Variants in PDE4B observed in about 807,000 individuals in gnomAD.
PDE4B encodes the protein phosphodiesterase 4B.
PDE4B carries 20 observed loss-of-function variants against 82.2 expected under a neutral mutation model. The observed-to-expected ratio is 0.24, with a 90% CI of 0.17 to 0.35. The LOEUF (loss-of-function observed/expected upper bound fraction) is 0.35. Ranked by LOEUF, PDE4B falls within the 10% of genes least tolerant of loss-of-function variation. PDE4B has a pLI of 1.00. For missense variants in PDE4B, 655 were observed against 907.2 expected, an observed-to-expected ratio of 0.72 and a Z score of 3.57; for synonymous variants, 320 against 318.9, an observed-to-expected ratio of 1.00 and a Z score of -0.04.
intron 1 of PDE4B, among the ~76,000 whole-genome samples, chr1:65,806,928 A>G (rs2101182673): frequency 6.6e-6 from 1 of 152,338 alleles, no homozygotes; most frequent in East Asian, 1.9e-4. Flanking sequence ...CATCAGGATT[A>G]ATCCTCTAAA....
intron 3 of PDE4B, among the ~76,000 whole-genome samples, chr1:66,007,761 T>C (rs1018713391): frequency 5.3e-5 from 8 of 152,136 alleles, no homozygotes; most frequent in African/African-American, 1.7e-4. Context: ...TTTTTTCACA[T>C]AAAAATTAGG....
chr1:66,257,930 T>TA, intron 6 of PDE4B, 67 bp downstream of exon 6: 1 of 1,050,034 alleles, frequency 9.5e-7, no homozygotes, highest in Non-Finnish European at 1.5e-6. Flanking sequence ...GAGCAGCATT[T>TA]AAAAAAATAC....
intron 8 of PDE4B, among the ~76,000 whole-genome samples, chr1:66,339,018 C>CA (rs60064823): frequency 0.09 from 7,145 of 79,160 alleles, 567 homozygotes; most frequent in African/African-American, 0.19. Context: ...GACTCCGTCT[C>CA]AAAAAAAAAA....
intron 13 of PDE4B, chr1:66,367,445 A>C: frequency 3.0e-6 from 1 of 331,600 alleles, no homozygotes; most frequent in Non-Finnish European, 5.5e-6. Context: ...ATATAGAAGG[A>C]GTAAAAGGAT....
At chr1:66,347,797 A>T (rs987180347) in intron 8 of PDE4B, among the ~76,000 whole-genome samples, 1 of 152,236 alleles carries the variant, frequency 6.6e-6, no homozygotes, top group African/African-American at 2.4e-5. Flanking sequence ...AAGCTATGAT[A>T]GATTTTTGTA....
chr1:66,274,659 A>G (rs1296402924), intron 7 of PDE4B, among the ~76,000 whole-genome samples: 1 of 152,160 alleles, frequency 6.6e-6, no homozygotes, highest in Non-Finnish European at 1.5e-5. Flanking sequence ...TCGTCTCCAA[A>G]ATTAGGATGG....
At chr1:66,099,702 A>G (rs369884348) in intron 3 of PDE4B, among the ~76,000 whole-genome samples, 132 of 152,276 alleles carry the variant, frequency 8.7e-4, no homozygotes, top group African/African-American at 3.0e-3. Context: ...AATTGATTAC[A>G]AGTCCATTTA....
chr1:66,247,491 C>T lies in PDE4B; in HGVS notation c.313C>T (p.Arg105Trp), dbSNP rs367809652. The T allele has an allele frequency of 9.4e-6, 15 of 1,593,376 alleles. No individual in the cohort carries two copies. Among genetic ancestry groups the T allele is most frequent in the African/African-American group, 4.1e-5 (3 of 73,750 alleles). Residue 105 changes from arginine to tryptophan, a missense_variant, in exon 4 of 17, where the codon CGG becomes TGG. Physicochemically the swap from Arg to Trp is moderately radical, Grantham distance 101 (BLOSUM62 -3). Around this residue, in one of 3 missense-constraint regions of PDE4B, gnomAD observed 253 missense variants for 275.6 expected, o/e 0.92. Coordinates refer to ENST00000341517, the MANE Select transcript of PDE4B (RefSeq NM_002600.4). Reference sequence around the variant, plus strand: ...TGTGGAAAATGGCCCTTCCCCAGGTCGGAGTCCACTGGATCCCCAGGCCAG... The same window carrying T: ...TGTGGAAAATGGCCCTTCCCCAGGTTGGAGTCCACTGGATCCCCAGGCCAG... ...FDVENGPSPG[R>W]SPLDPQASSS...
At chr1:65,835,368 C>G (rs1646128690) in intron 1 of PDE4B, among the ~76,000 whole-genome samples, 1 of 152,114 alleles carries the variant, frequency 6.6e-6, no homozygotes, top group Non-Finnish European at 1.5e-5. Context: ...TTTTTCCTCT[C>G]TTGTGGTGTT....
intron 3 of PDE4B, among the ~76,000 whole-genome samples, chr1:66,059,483 A>G (rs1025073983): frequency 2.0e-5 from 3 of 152,170 alleles, no homozygotes; most frequent in Non-Finnish European, 4.4e-5. Context: ...CAATTTACAA[A>G]AGGAAGAAGT....
chr1:66,266,726 C>T, intron 7 of PDE4B: 1 of 523,070 alleles, frequency 1.9e-6, no homozygotes, highest in Non-Finnish European at 3.9e-6. Flanking sequence ...GAAGGGCCAC[C>T]TTGAAGGAAC....
At chr1:66,184,258 C>T (rs1647133256) in intron 3 of PDE4B, among the ~76,000 whole-genome samples, 1 of 152,104 alleles carries the variant, frequency 6.6e-6, no homozygotes, top group Admixed American at 6.6e-5. Flanking sequence ...GAAAATCTGG[C>T]TCATGGTGCC....
chr1:66,371,384 C>A (rs2050777035), intron 16 of PDE4B, among the ~76,000 whole-genome samples: 1 of 151,842 alleles, frequency 6.6e-6, no homozygotes, highest in African/African-American at 2.4e-5. Flanking sequence ...AGTGCCTGTT[C>A]TTTCTCTCTA....
chr1:66,097,447 A>C (rs147644586), intron 3 of PDE4B, among the ~76,000 whole-genome samples: 1 of 152,032 alleles, frequency 6.6e-6, no homozygotes, highest in South Asian at 2.1e-4. Flanking sequence ...CCCATTTTTA[A>C]ATGTTATTTG....
intron 3 of PDE4B, among the ~76,000 whole-genome samples, chr1:66,052,741 G>A (rs1182206749): frequency 1.3e-5 from 2 of 152,066 alleles, no homozygotes; most frequent in East Asian, 3.9e-4. Context: ...CTGTAATTCT[G>A]TCAACTTGTA....
At chr1:66,100,525 C>A (rs959122872) in intron 3 of PDE4B, among the ~76,000 whole-genome samples, 1 of 152,148 alleles carries the variant, frequency 6.6e-6, no homozygotes, top group African/African-American at 2.4e-5. Flanking sequence ...AAAAGTGAAT[C>A]CTCTATGATT....
chr1:66,293,855 A>C (rs914907817), intron 7 of PDE4B, among the ~76,000 whole-genome samples: 1 of 152,212 alleles, frequency 6.6e-6, no homozygotes, highest in Non-Finnish European at 1.5e-5. Flanking sequence ...GTTCTCAACC[A>C]TATAAAACTG....
chr1:66,343,747 A>G (rs1661189084), intron 8 of PDE4B, among the ~76,000 whole-genome samples: 1 of 152,216 alleles, frequency 6.6e-6, no homozygotes. Flanking sequence ...AGTTTTCTTG[A>G]TCATTTAAGA....
chr1:66,087,855 C>G (rs1485788645), intron 3 of PDE4B, among the ~76,000 whole-genome samples: 1 of 110,066 alleles, frequency 9.1e-6, no homozygotes, highest in Non-Finnish European at 1.7e-5. Context: ...ACATCACACT[C>G]TGGGGACTGT....
Sources: allele counts gnomAD v4.1 joint callset (sites outside exome capture counted in the v4.1 genomes callset), GRCh38; gene constraint gnomAD v4.1.1; regional missense constraint gnomAD v4.1.1; transcripts MANE v1.5; gene names NCBI Gene and HGNC (gene_info 2026-07-23, HGNC 2026-07-21).